TRPC4AP: variants seen among roughly 807,000 people sequenced by gnomAD.
TRPC4AP encodes the protein short transient receptor potential channel 4-associated protein.
TRPC4AP carries 45 observed loss-of-function variants against 99.0 expected under a neutral mutation model. The ratio of observed to expected loss-of-function variants is 0.45; its 90% CI spans 0.36 to 0.58. The LOEUF is 0.58. Among genes scored for constraint, TRPC4AP ranks in the 20% least tolerant of loss-of-function variants. The probability of loss-of-function intolerance (pLI) is 0.00; values close to 1 mark genes in which losing one functional copy is unlikely to be tolerated. For missense variants in TRPC4AP, 879 were observed against 985.3 expected (o/e 0.89, Z 1.44); for synonymous variants, 408 against 385.8 (o/e 1.06, Z -0.67).
At chr20:35,006,012 C>A (rs942122883) in intron 15 of TRPC4AP, among the ~76,000 whole-genome samples, 1 of 152,242 alleles carries the variant, frequency 6.6e-6, no homozygotes, top group East Asian at 1.9e-4. Flanking sequence ...AGATCCGACA[C>A]TCTCTCCAGT....
intron 8 of TRPC4AP, among the ~76,000 whole-genome samples, chr20:35,028,360 G>A (rs1474978511): frequency 6.6e-6 from 1 of 151,918 alleles, no homozygotes; most frequent in East Asian, 1.9e-4. Context: ...CCAAAGGGCT[G>A]GGACTACAGG....
chr20:35,077,583 T>G (rs747484762), intron 2 of TRPC4AP, among the ~76,000 whole-genome samples: 1 of 152,178 alleles, frequency 6.6e-6, no homozygotes, highest in African/African-American at 2.4e-5. Flanking sequence ...TGAGAACAAT[T>G]ATCCTAGCAT....
chr20:35,059,876 G>A (rs936396419), intron 3 of TRPC4AP, among the ~76,000 whole-genome samples: 14 of 151,056 alleles, frequency 9.3e-5, no homozygotes, highest in Non-Finnish European at 1.5e-4. Flanking sequence ...ATGAAGAAAA[G>A]ACGAAGACAA....
At chr20:35,059,159 G>A (rs1023243819) in intron 3 of TRPC4AP, among the ~76,000 whole-genome samples, 3 of 152,040 alleles carry the variant, frequency 2.0e-5, no homozygotes, top group Admixed American at 2.0e-4. Flanking sequence ...TTGAAGACTG[G>A]CAAATTCTTA....
chr20:35,034,435 G>A (rs957251383), intron 8 of TRPC4AP, among the ~76,000 whole-genome samples: 1 of 152,054 alleles, frequency 6.6e-6, no homozygotes, highest in Non-Finnish European at 1.5e-5. Context: ...TCCACACCGT[G>A]AGTACAGTAT....
intron 1 of TRPC4AP, among the ~76,000 whole-genome samples, chr20:35,090,438 G>A (rs368989056): frequency 1.4e-4 from 19 of 138,946 alleles, no homozygotes; most frequent in African/African-American, 3.8e-4. Flanking sequence ...GTGCAGTGGC[G>A]TGATCTCAGC....
At chr20:35,032,197 A>G (rs2083211017) in intron 8 of TRPC4AP, among the ~76,000 whole-genome samples, 1 of 149,670 alleles carries the variant, frequency 6.7e-6, no homozygotes, top group Non-Finnish European at 1.5e-5. Context: ...TCTAACCTTT[A>G]TATTTTTAAT....
At chr20:35,023,175 A>C (rs947714361) in intron 8 of TRPC4AP, among the ~76,000 whole-genome samples, 1 of 152,196 alleles carries the variant, frequency 6.6e-6, no homozygotes, top group African/African-American at 2.4e-5. Flanking sequence ...AGTTAAGAGC[A>C]CTGACCCTGA....
At position 35,004,322 on chromosome 20, in the gene TRPC4AP, T is replaced by C. The variant is rs2082469075; in HGVS notation, c.2049+136A>G. 4.0e-6 allele frequency: 3 copies of C among 741,512 alleles called. No homozygotes were observed. The Admixed American group carries it at 6.5e-5, about 16-fold the overall frequency. 45.9% of individuals were successfully genotyped at this position (741,512 alleles called of 1,614,324 possible). The stretch of plus-strand genomic sequence containing the variant: ...TGTACAATGGGACACTGATTCCTCC[T>C]GAGCACAGTCCTCAGAAGAGCTGGG... On this transcript the variant is annotated intron_variant, in intron 17 of 18. Coordinates refer to ENST00000252015, the MANE Select transcript of TRPC4AP (RefSeq NM_015638.3).
intron 1 of TRPC4AP, among the ~76,000 whole-genome samples, chr20:35,085,973 G>A (rs1346743095): frequency 1.3e-5 from 2 of 151,932 alleles, no homozygotes; most frequent in East Asian, 1.9e-4. Flanking sequence ...AAATGCAAGG[G>A]TCTCGCGCAA....
chr20:35,007,399 C>T (rs1364540264), intron 14 of TRPC4AP, 151 bp downstream of exon 14: 2 of 808,440 alleles, frequency 2.5e-6, no homozygotes, highest in Non-Finnish European at 1.9e-6. Flanking sequence ...GTTGGAAACC[C>T]AGGGCAAAAT....
At chr20:35,008,590 G>T in intron 13 of TRPC4AP, 74 bp downstream of exon 13, 1 of 1,316,210 alleles carries the variant, frequency 7.6e-7, no homozygotes, top group Non-Finnish European at 1.1e-6. Context: ...ACTAAAGGAG[G>T]TATTCCTAAC....
intron 8 of TRPC4AP, among the ~76,000 whole-genome samples, chr20:35,026,310 G>A (rs910664753): frequency 6.6e-6 from 1 of 151,840 alleles, no homozygotes; most frequent in Non-Finnish European, 1.5e-5. Flanking sequence ...AAACTCCTGG[G>A]CTCAAGCTAC....
At chr20:35,080,452 G>A (rs1270548949) in intron 1 of TRPC4AP, among the ~76,000 whole-genome samples, 2 of 147,228 alleles carry the variant, frequency 1.4e-5, no homozygotes, top group African/African-American at 5.0e-5. Flanking sequence ...AGTGAGCCAA[G>A]ACTGCGCCAC....
chr20:35,076,972 C>T (rs1327360555), intron 2 of TRPC4AP, among the ~76,000 whole-genome samples: 1 of 152,170 alleles, frequency 6.6e-6, no homozygotes, highest in East Asian at 1.9e-4. Flanking sequence ...TGTGGACACC[C>T]CTCCCCCTGC....
chr20:35,034,239 A>G (rs1262884323), intron 8 of TRPC4AP, among the ~76,000 whole-genome samples: 2 of 151,952 alleles, frequency 1.3e-5, no homozygotes, highest in African/African-American at 4.8e-5. Context: ...CTCCTCAGGC[A>G]TGAACTTCCC....
intron 8 of TRPC4AP, among the ~76,000 whole-genome samples, chr20:35,024,144 T>TA (rs2082960432): frequency 6.6e-6 from 1 of 151,594 alleles, no homozygotes; most frequent in South Asian, 2.1e-4. Flanking sequence ...TTTTTTTTTT[T>TA]AACAGCTTTG....
At chr20:35,070,729 G>A (rs964227592) in intron 2 of TRPC4AP, among the ~76,000 whole-genome samples, 8 of 152,234 alleles carry the variant, frequency 5.3e-5, no homozygotes, top group East Asian at 3.9e-4. Context: ...TAGACTAAAC[G>A]TTCCTTGAGG....
At chr20:35,048,725 G>A (rs1186225108) in intron 6 of TRPC4AP, among the ~76,000 whole-genome samples, 1 of 152,202 alleles carries the variant, frequency 6.6e-6, no homozygotes, top group Non-Finnish European at 1.5e-5. Context: ...AGAGGCAAGT[G>A]GGAAAAGTTG....
Sources: allele counts gnomAD v4.1 joint callset (sites outside exome capture counted in the v4.1 genomes callset), GRCh38; gene constraint gnomAD v4.1.1; transcripts MANE v1.5; gene names NCBI Gene and HGNC (gene_info 2026-07-23, HGNC 2026-07-21).